Variants in FARS2 observed in about 807,000 individuals in gnomAD.
The protein encoded by FARS2 is phenylalanine--tRNA ligase, mitochondrial.
In FARS2, 40 loss-of-function variants were observed where a neutral mutation model predicts 46.4. The observed-to-expected ratio is 0.86, with a 90% confidence interval of 0.67 to 1.12. The LOEUF is 1.12. FARS2 is among the 50% of genes most tolerant of loss of function. The pLI is 0.00. For missense variants in FARS2, 513 were observed against 567.9 expected (o/e 0.90, Z 0.98); for synonymous variants, 234 against 214.9 (o/e 1.09, Z -0.78).
At chr6:5,543,513 C>T (rs149956282) in intron 4 of FARS2, among the ~76,000 whole-genome samples, 1,692 of 151,948 alleles carry the variant, frequency 0.011, 23 homozygotes, top group African/African-American at 0.037. Context: ...TACAGGCACA[C>T]GCCACCATGC....
At chr6:5,523,416 C>CT (rs74406753) in intron 4 of FARS2, among the ~76,000 whole-genome samples, 18,434 of 140,758 alleles carry the variant, frequency 0.13, 1,278 homozygotes, top group Admixed American at 0.17. Flanking sequence ...CATATGCTAT[C>CT]TTTTTTTTTT....
At chr6:5,497,626 T>C (rs1372882851) in intron 4 of FARS2, among the ~76,000 whole-genome samples, 3 of 152,232 alleles carry the variant, frequency 2.0e-5, no homozygotes, top group Non-Finnish European at 4.4e-5. Flanking sequence ...GTAAATAAGA[T>C]ATTTAACATG....
chr6:5,683,641 A>G (rs1158116875), intron 6 of FARS2, among the ~76,000 whole-genome samples: 1 of 151,042 alleles, frequency 6.6e-6, no homozygotes, highest in Admixed American at 6.6e-5. Context: ...TCCGGGATTC[A>G]TGTGCAGAAC....
At chr6:5,262,239 G>C (rs1225704473) in intron 1 of FARS2, among the ~76,000 whole-genome samples, 1 of 152,146 alleles carries the variant, frequency 6.6e-6, no homozygotes, top group Admixed American at 6.5e-5. Flanking sequence ...TATACCTGCT[G>C]TATGTCTAAA....
At position 5,545,201 on chromosome 6, in the gene FARS2, G is replaced by A; in HGVS notation, c.926G>A (p.Gly309Asp). The change falls in exon 5 of 7, where the codon GGC becomes GAC. Residue 309 changes from glycine to aspartate, a missense_variant. Gly to Asp is a moderately conservative substitution (Grantham distance 94). Coordinates refer to ENST00000274680, the MANE Select transcript of FARS2 (RefSeq NM_006567.5). ...ACAGCTGGTGCTCAAGACCGAATCGGCTGGGCTTTTGGCCTAGGATTAGAA... is the reference window on the plus strand; with the variant it reads ...ACAGCTGGTGCTCAAGACCGAATCGACTGGGCTTTTGGCCTAGGATTAGAA... The part of the protein sequence containing the change: ...VNSAGAQDRI[G>D]WAFGLGLERL... The A allele has an allele frequency of 6.2e-7, 1 of 1,613,860 alleles. No homozygotes were observed. The highest frequency in any genetic ancestry group is 8.5e-7 in the Non-Finnish European group (1 of 1,179,836).
chr6:5,634,772 C>T (rs1378353111), intron 6 of FARS2, among the ~76,000 whole-genome samples: 2 of 152,136 alleles, frequency 1.3e-5, no homozygotes, highest in Non-Finnish European at 2.9e-5. Context: ...TTTTGGAGGC[C>T]ACAGTGTAGC....
In FARS2 at chr6:5,489,647, T is replaced by A. The variant is rs532296756; in HGVS notation, c.905-55533T>A. 6.6e-5 allele frequency among the ~76,000 whole-genome samples: 10 copies of A among 152,272 alleles called. No homozygotes were observed. The South Asian group carries it at 2.1e-3, about 32-fold the overall frequency. ...TTCTCTCTACGCACGACGCCATTAC[T>A]TCAGTTCTGGGCTTTATCACTCTTT... On this transcript the variant is annotated intron_variant, in intron 4 of 6. Transcript: ENST00000274680.
At chr6:5,439,559 T>C (rs965322954) in intron 4 of FARS2, among the ~76,000 whole-genome samples, 3 of 152,196 alleles carry the variant, frequency 2.0e-5, no homozygotes, top group African/African-American at 7.2e-5. Context: ...GTTAGTTGTT[T>C]AGAGATTTTG....
intron 6 of FARS2, among the ~76,000 whole-genome samples, chr6:5,710,160 T>G (rs1759049794): frequency 6.6e-6 from 1 of 152,140 alleles, no homozygotes; most frequent in South Asian, 2.1e-4. Flanking sequence ...AGCCTCTCAG[T>G]CTAATGCATT....
chr6:5,359,027 ACC>A (rs527373601), intron 1 of FARS2, among the ~76,000 whole-genome samples: 5 of 46,718 alleles, frequency 1.1e-4, no homozygotes, highest in Non-Finnish European at 1.4e-4. Context: ...ATGAAAAGAT[ACC>A]CTTTTTTTTT....
At chr6:5,304,949 G>A (rs1390478659) in intron 1 of FARS2, among the ~76,000 whole-genome samples, 1 of 152,184 alleles carries the variant, frequency 6.6e-6, no homozygotes, top group African/African-American at 2.4e-5. Context: ...GTGATTTGGA[G>A]GCGAAGGTGG....
chr6:5,387,642 G>C (rs1239067814), intron 2 of FARS2, among the ~76,000 whole-genome samples: 1 of 152,194 alleles, frequency 6.6e-6, no homozygotes, highest in African/African-American at 2.4e-5. Flanking sequence ...AGTCTACATT[G>C]ATCAAGTAAT....
chr6:5,286,066 C>T (rs1033283232), intron 1 of FARS2, among the ~76,000 whole-genome samples: 2 of 152,098 alleles, frequency 1.3e-5, no homozygotes, highest in African/African-American at 4.8e-5. Context: ...ATAAAGGTAA[C>T]CTTTTTCGCT....
intron 5 of FARS2, among the ~76,000 whole-genome samples, chr6:5,559,865 C>T (rs561392770): frequency 6.6e-6 from 1 of 152,224 alleles, no homozygotes; most frequent in African/African-American, 2.4e-5. Context: ...TATGGCAGCA[C>T]TAGCACTATG....
At chr6:5,692,226 A>T (rs1757786047) in intron 6 of FARS2, among the ~76,000 whole-genome samples, 1 of 152,186 alleles carries the variant, frequency 6.6e-6, no homozygotes, top group African/African-American at 2.4e-5. Context: ...GCCCAGTGAG[A>T]TGAACCCGGT....
At chr6:5,573,467 G>A (rs1201503541) in intron 5 of FARS2, among the ~76,000 whole-genome samples, 2 of 152,136 alleles carry the variant, frequency 1.3e-5, no homozygotes, top group Non-Finnish European at 2.9e-5. Context: ...CAGCTGAATG[G>A]TGTAGGTATT....
chr6:5,424,016 T>C (rs1452894359), intron 3 of FARS2, among the ~76,000 whole-genome samples: 2 of 152,156 alleles, frequency 1.3e-5, no homozygotes, highest in Non-Finnish European at 2.9e-5. Context: ...ACTCTTTTCT[T>C]CTCTTAGGGG....
At chr6:5,341,418 G>A (rs993807355) in intron 1 of FARS2, among the ~76,000 whole-genome samples, 10 of 148,656 alleles carry the variant, frequency 6.7e-5, no homozygotes, top group Non-Finnish European at 4.5e-5. Flanking sequence ...ATGTATTTGC[G>A]ATACTGTTGT....
chr6:5,596,114 A>T (rs1288410796), intron 5 of FARS2, among the ~76,000 whole-genome samples: 2 of 152,204 alleles, frequency 1.3e-5, no homozygotes, highest in African/African-American at 2.4e-5. Context: ...ACTGAAGCTA[A>T]AATAGGAATA....
Sources: gnomAD v4.1 joint callset for allele counts (sites outside exome capture counted in the v4.1 genomes callset) on GRCh38, gnomAD v4.1.1 for gene constraint, MANE v1.5 for transcripts, NCBI Gene and HGNC (gene_info 2026-07-23, HGNC 2026-07-21) for gene names.